SPATA17: variants seen among roughly 807,000 people sequenced by gnomAD.
SPATA17 encodes the protein spermatogenesis associated 17.
SPATA17 carries 53 observed loss-of-function variants against 62.2 expected under a neutral mutation model. The ratio of observed to expected loss-of-function variants is 0.85; its 90% CI spans 0.68 to 1.07. The LOEUF is 1.07. SPATA17 is among the 50% of genes least tolerant of loss of function. The probability of loss-of-function intolerance (pLI) is 0.00; values close to 1 mark genes in which losing one functional copy is unlikely to be tolerated. For synonymous variants in SPATA17, 146 were observed against 146.8 expected (o/e 0.99, Z 0.04); for missense variants, 466 against 425.5 (o/e 1.10, Z -0.84).
chr1:217,747,651 C>A (rs987208192), intron 6 of SPATA17, among the ~76,000 whole-genome samples: 13 of 151,934 alleles, frequency 8.6e-5, no homozygotes, highest in African/African-American at 2.2e-4. Context: ...CTCAGTATAA[C>A]TATGCATATT....
At chr1:217,676,131 T>C (rs1488315941) in intron 4 of SPATA17, among the ~76,000 whole-genome samples, 1 of 152,180 alleles carries the variant, frequency 6.6e-6, no homozygotes, top group Non-Finnish European at 1.5e-5. Flanking sequence ...CTTCCCCTTG[T>C]AGGCAGAATT....
At chr1:217,807,270 G>A (rs1175118741) in intron 9 of SPATA17, among the ~76,000 whole-genome samples, 1 of 150,052 alleles carries the variant, frequency 6.7e-6, no homozygotes, top group African/African-American at 2.4e-5. Flanking sequence ...AGGGAGGGAG[G>A]GAGGAAGTGG....
intron 5 of SPATA17, among the ~76,000 whole-genome samples, chr1:217,690,404 T>A (rs1294672720): frequency 6.6e-6 from 1 of 151,740 alleles, no homozygotes; most frequent in Non-Finnish European, 1.5e-5. Context: ...TTTTGATGAC[T>A]GTATTTTTCA....
intron 5 of SPATA17, among the ~76,000 whole-genome samples, chr1:217,731,624 C>G (rs1310456853): frequency 6.6e-6 from 1 of 152,072 alleles, no homozygotes; most frequent in African/African-American, 2.4e-5. Flanking sequence ...TATTTCCTTC[C>G]TTTTCATTAT....
Position 217,869,764 on chromosome 1 carries a change from C to A in SPATA17, c.*2745C>A, listed in dbSNP as rs994851046. The A allele has an allele frequency of 4.6e-5, 7 of 151,944 alleles. No individual in the cohort carries two copies. Among genetic ancestry groups the A allele is most frequent in the Non-Finnish European group, 1.0e-4 (7 of 67,992 alleles). 9.4% of individuals were successfully genotyped at this position (151,944 alleles called of 1,614,324 possible). On this transcript the variant is annotated 3_prime_UTR_variant, in exon 11 of 11. Transcript: ENST00000366933. ...CCAATTCCCCATGCCCCACCCCCAC[C>A]CCCACATCCTATAATGGCCTGAACT...
intron 9 of SPATA17, among the ~76,000 whole-genome samples, chr1:217,807,827 T>C (rs1674475383): frequency 6.6e-6 from 1 of 152,166 alleles, no homozygotes; most frequent in African/African-American, 2.4e-5. Flanking sequence ...AAAGGGAAGG[T>C]TCTTACTATG....
At chr1:217,677,861 T>A (rs868313637) in intron 4 of SPATA17, among the ~76,000 whole-genome samples, 1 of 152,166 alleles carries the variant, frequency 6.6e-6, no homozygotes. Context: ...AAATATCTAG[T>A]TAAGATTTTC....
At chr1:217,758,072 C>T (rs1673089744) in intron 6 of SPATA17, among the ~76,000 whole-genome samples, 1 of 152,176 alleles carries the variant, frequency 6.6e-6, no homozygotes, top group Admixed American at 6.5e-5. Context: ...CAGTTATCAA[C>T]AACCTGATAT....
intron 5 of SPATA17, among the ~76,000 whole-genome samples, chr1:217,715,409 T>C (rs1224454218): frequency 6.6e-6 from 1 of 152,188 alleles, no homozygotes; most frequent in Non-Finnish European, 1.5e-5. Context: ...ATGAACATTA[T>C]TCCAATTTTA....
Position 217,870,646 on chromosome 1 carries a change from A to G in SPATA17, c.*3627A>G, listed in dbSNP as rs12405327. 1.3e-5 allele frequency: 2 copies of G among 151,896 alleles called. No homozygotes were observed. The highest frequency in any genetic ancestry group is 6.6e-5 in the Admixed American group (1 of 15,228). 9.4% of individuals were successfully genotyped at this position (151,896 alleles called of 1,614,324 possible). On this transcript the variant is annotated 3_prime_UTR_variant, in exon 11 of 11. Transcript: ENST00000366933. ...GGTAATTCCTTGATCTTATTCTCCA[A>G]ACTTGATTCTGAATGACTACTGACC...
chr1:217,699,476 A>T (rs1277661066), intron 5 of SPATA17, among the ~76,000 whole-genome samples: 1 of 152,122 alleles, frequency 6.6e-6, no homozygotes, highest in African/African-American at 2.4e-5. Context: ...ATACCTTTTC[A>T]TGTGTTTATT....
In SPATA17 at chr1:217,631,416, C is replaced by T; in HGVS notation, c.38C>T (p.Thr13Ile). ...GCCCGGCTGCAAGCTAGGTCGTCGA[C>T]TGTAGGAAATCAGTACTACTTTAGG... ...TLARLQARSS[T>I]VGNQYYFRNS... Residue 13 changes from threonine to isoleucine, a missense_variant, in exon 1 of 11, where the codon ACT (threonine) becomes ATT (isoleucine). Physicochemically the swap from Thr to Ile is moderately conservative, Grantham distance 89. Transcript: ENST00000366933. The T allele has an allele frequency of 6.2e-7, 1 of 1,614,128 alleles. No individual in the cohort carries two copies. Among genetic ancestry groups the T allele is most frequent in the South Asian group, 1.1e-5 (1 of 91,082 alleles).
chr1:217,820,292 G>A (rs1674827996), intron 9 of SPATA17, among the ~76,000 whole-genome samples: 1 of 151,996 alleles, frequency 6.6e-6, no homozygotes, highest in Non-Finnish European at 1.5e-5. Flanking sequence ...TTTTTAAGAA[G>A]TTTTCTCTGG....
chr1:217,863,209 A>C (rs1258541707), intron 10 of SPATA17, among the ~76,000 whole-genome samples: 1 of 137,748 alleles, frequency 7.3e-6, no homozygotes. Flanking sequence ...TGCAACCTCC[A>C]CCTCCCAGGT....
chr1:217,648,916 G>A lies in SPATA17; in HGVS notation c.103G>A (p.Ala35Thr). ...TCCATTTAGAAAAAAGGAGAATGATGCAGCAGTTAAAATCCAAAGCTGGTT... is the reference window on the plus strand; with the variant it reads ...TCCATTTAGAAAAAAGGAGAATGATACAGCAGTTAAAATCCAAAGCTGGTT... ...VDPFRKKEND[A>T]AVKIQSWFRG... The change falls in exon 2 of 11, where the codon GCA becomes ACA. Residue 35 changes from alanine to threonine, a missense_variant. Coordinates refer to ENST00000366933, the MANE Select transcript of SPATA17 (RefSeq NM_138796.4). The A allele has an allele frequency of 9.3e-6, 15 of 1,609,880 alleles. No individual in the cohort carries two copies. Among genetic ancestry groups the A allele is most frequent in the Non-Finnish European group, 1.3e-5 (15 of 1,178,226 alleles).
chr1:217,710,276 C>A lies in SPATA17; in HGVS notation c.395+26915C>A, dbSNP rs563377422. Among the ~76,000 whole-genome samples, 7 of 152,008 alleles carry A rather than the reference C, an allele frequency of 4.6e-5. No individual in the cohort carries two copies. In the South Asian group the frequency reaches 1.5e-3, roughly 32 times the overall value. ...CTTTTGTAACCTCTAGACTGATATG[C>A]AAAAACTGCCCCAGGTTATGAATAA... On this transcript the variant is annotated intron_variant, in intron 5 of 10. Transcript: ENST00000366933.
rs1386225545 is a variant in SPATA17, at chr1:217,690,492, A to AT, written c.395+7140dup. On this transcript the variant is annotated intron_variant, in intron 5 of 10. Coordinates refer to ENST00000366933, the MANE Select transcript of SPATA17 (RefSeq NM_138796.4). ...TTTTTTATTTTTTTTTTTTTTAATT[A>AT]TTTTTTTTTATTATACTTTAAGTTT... Among the ~76,000 whole-genome samples the AT allele has an allele frequency of 1.7e-4, 23 of 133,228 alleles. No homozygotes were observed. The East Asian group carries it at 2.3e-3, about 14-fold the overall frequency. 87.4% of individuals were successfully genotyped at this position (133,228 alleles called of 152,430 possible).
intron 6 of SPATA17, among the ~76,000 whole-genome samples, chr1:217,755,222 C>T (rs1276724501): frequency 6.6e-6 from 1 of 151,970 alleles, no homozygotes; most frequent in African/African-American, 2.4e-5. Flanking sequence ...TCTAAAATGT[C>T]AGACAGGTTT....
chr1:217,731,754 A>G (rs1427879188), intron 5 of SPATA17, among the ~76,000 whole-genome samples: 2 of 152,174 alleles, frequency 1.3e-5, no homozygotes, highest in Non-Finnish European at 2.9e-5. Flanking sequence ...CACTTGAATC[A>G]TATTGTTTAA....
Sources: allele counts gnomAD v4.1 joint callset (sites outside exome capture counted in the v4.1 genomes callset), GRCh38; gene constraint gnomAD v4.1.1; transcripts MANE v1.5; gene names NCBI Gene and HGNC (gene_info 2026-07-23, HGNC 2026-07-21).